The following NYAP2 variants were observed in gnomAD, a reference collection of about 807,000 sequenced individuals.
NYAP2 encodes neuronal tyrosine-phosphorylated phosphoinositide-3-kinase adapter 2.
In NYAP2, 23 loss-of-function variants were observed where a neutral mutation model predicts 50.4. That is an observed-to-expected ratio of 0.46 (90% CI 0.33 to 0.65). NYAP2 has a LOEUF of 0.65. Among genes scored for constraint, NYAP2 ranks in the 30% least tolerant of loss-of-function variants. The pLI, the probability that NYAP2 is intolerant of heterozygous loss-of-function variation, is 0.02. For missense variants in NYAP2, 885 were observed against 861.0 expected, an observed-to-expected ratio of 1.03 and a Z score of -0.35; for synonymous variants, 394 against 365.2, an observed-to-expected ratio of 1.08 and a Z score of -0.90.
At position 225,582,793 on chromosome 2, in the gene NYAP2, C is replaced by T; in HGVS notation, c.1376C>T (p.Ala459Val). Residue 459 changes from alanine to valine, a missense_variant, in exon 5 of 7, where the codon GCT becomes GTT. Physicochemically the swap from Ala to Val is moderately conservative, Grantham distance 64. Coordinates refer to ENST00000636099, the Ensembl canonical transcript of NYAP2. This position sits in a 1 kb window ranked among gnomAD's most constrained non-coding sequence, Gnocchi z 7.0. Reference sequence around the variant, plus strand: ...CTCAAAAGGCCTCCCCCTTACGACGCTGTGCATTCGGGCAGCCTCTCAAGG... The same window carrying T: ...CTCAAAAGGCCTCCCCCTTACGACGTTGTGCATTCGGGCAGCCTCTCAAGG... 6.2e-7 allele frequency: 1 copy of T among 1,613,980 alleles called. No homozygotes were observed. Among genetic ancestry groups the T allele is most frequent in the Non-Finnish European group, 8.5e-7 (1 of 1,179,898 alleles).
chr2:225,681,545 A>G, the NYAP2 span, among the ~76,000 whole-genome samples: 1 of 152,206 alleles, frequency 6.6e-6, no homozygotes, highest in African/African-American at 2.4e-5. Flanking sequence ...ATTCACTGGC[A>G]TTATCTCTTT....
At chr2:225,643,616 C>T (rs1693572474) in intron 6 of NYAP2, among the ~76,000 whole-genome samples, 2 of 150,070 alleles carry the variant, frequency 1.3e-5, no homozygotes, top group South Asian at 4.3e-4. Flanking sequence ...ACAACAGTCC[C>T]CAGAGTGTGA....
chr2:225,683,529 A>G, the NYAP2 span, among the ~76,000 whole-genome samples: 1 of 152,014 alleles, frequency 6.6e-6, no homozygotes, highest in African/African-American at 2.4e-5. Flanking sequence ...CTTAATGAGA[A>G]GTAAGTTAAC....
chr2:225,511,215 A>G (rs1690807372), intron 3 of NYAP2, among the ~76,000 whole-genome samples: 1 of 152,058 alleles, frequency 6.6e-6, no homozygotes, highest in South Asian at 2.1e-4. Flanking sequence ...ACCTTCCTAT[A>G]CCAAGACTGC....
the NYAP2 span, among the ~76,000 whole-genome samples, chr2:225,680,371 G>A: frequency 6.6e-6 from 1 of 151,676 alleles, no homozygotes; most frequent in Non-Finnish European, 1.5e-5. Flanking sequence ...ATAGAAAGGG[G>A]TTGCAATCTT....
At chr2:225,679,537 C>A in the NYAP2 span, among the ~76,000 whole-genome samples, 1 of 145,510 alleles carries the variant, frequency 6.9e-6, no homozygotes, top group African/African-American at 2.6e-5. Flanking sequence ...CTCTGTTTCC[C>A]AGGCTGCAGT....
At chr2:225,645,835 T>TC (rs927141793) in intron 6 of NYAP2, among the ~76,000 whole-genome samples, 1 of 152,182 alleles carries the variant, frequency 6.6e-6, no homozygotes, top group African/African-American at 2.4e-5. Flanking sequence ...GCCTCACCGT[T>TC]CAAGTCTCAA....
chr2:225,474,226 T>A (rs1001339928), intron 3 of NYAP2, among the ~76,000 whole-genome samples: 15 of 152,222 alleles, frequency 9.9e-5, no homozygotes, highest in Non-Finnish European at 1.9e-4. Context: ...TGTAGTATAG[T>A]TTGAAGTCAG....
At chr2:225,644,128 T>C (rs1693585244) in intron 6 of NYAP2, among the ~76,000 whole-genome samples, 1 of 151,856 alleles carries the variant, frequency 6.6e-6, no homozygotes, top group South Asian at 2.1e-4. Context: ...TTTTTAATGA[T>C]CGCCATTCTA....
chr2:225,684,871 A>G, the NYAP2 span, among the ~76,000 whole-genome samples: 1 of 152,150 alleles, frequency 6.6e-6, no homozygotes, highest in African/African-American at 2.4e-5. Flanking sequence ...CATTTTATAC[A>G]AAACACAACT....
chr2:225,698,724 T>A, the NYAP2 span: 1 of 151,948 alleles, frequency 6.6e-6, no homozygotes, highest in Non-Finnish European at 1.5e-5. Flanking sequence ...GGCACACTTA[T>A]TTATCCCGGA....
exon 4 of NYAP2, chr2:225,513,515 C>G: frequency 6.2e-7 from 1 of 1,613,830 alleles, no homozygotes; most frequent in Admixed American, 1.7e-5. Context: ...AGTCCCTGCA[C>G]TCGGTTGGGG....
At chr2:225,590,204 A>T (rs1306752499) in intron 5 of NYAP2, among the ~76,000 whole-genome samples, 1 of 152,154 alleles carries the variant, frequency 6.6e-6, no homozygotes, top group Non-Finnish European at 1.5e-5. Flanking sequence ...CGAGAGTCCC[A>T]CACAGTGACC....
chr2:225,665,807 TAAAAAA>T, the NYAP2 span, among the ~76,000 whole-genome samples: 656 of 20,964 alleles, frequency 0.031, 15 homozygotes, highest in African/African-American at 0.082. Context: ...AGCCTCCGTC[TAAAAAA>T]AAAAAAAAAA....
intron 4 of NYAP2, among the ~76,000 whole-genome samples, chr2:225,517,120 A>G (rs1446861228): frequency 1.3e-5 from 2 of 152,190 alleles, no homozygotes; most frequent in Non-Finnish European, 2.9e-5. Flanking sequence ...AAAAATTGTA[A>G]CTCTGTTACA....
upstream of NYAP2, among the ~76,000 whole-genome samples, chr2:225,397,979 A>G (rs1381951264): frequency 2.0e-5 from 3 of 152,012 alleles, no homozygotes; most frequent in Non-Finnish European, 4.4e-5. Flanking sequence ...CTAAAGTTGA[A>G]TATATGAAAC....
At chr2:225,400,098 C>A (rs1317557881) in exon 1 of NYAP2, 2 of 152,080 alleles carry the variant, frequency 1.3e-5, no homozygotes, top group Non-Finnish European at 2.9e-5. Flanking sequence ...AGAACGATGC[C>A]GCTTTCCGGT....
In NYAP2 at chr2:225,569,442, G is replaced by A. The variant is rs531863694; in HGVS notation, c.524-12499G>A. ...GATTGAGAGAAAGGAGGAGTGAGGG[G>A]GGGAGGTGAGAGAGACCTCGAGACT... On this transcript the variant is annotated intron_variant, in intron 4 of 6. Transcript: ENST00000636099. Among the ~76,000 whole-genome samples, 11 of 152,138 alleles carry A rather than the reference G, an allele frequency of 7.2e-5. No individual in the cohort carries two copies. In the East Asian group the frequency reaches 1.4e-3, roughly 19 times the overall value.
chr2:225,694,195 T>G, the NYAP2 span, among the ~76,000 whole-genome samples: 1 of 152,078 alleles, frequency 6.6e-6, no homozygotes, highest in Admixed American at 6.6e-5. Flanking sequence ...ATTAAATAAC[T>G]AAACTAGAAG....
Sources: allele counts gnomAD v4.1 joint callset (sites outside exome capture counted in the v4.1 genomes callset), GRCh38; gene constraint gnomAD v4.1.1; non-coding constraint Gnocchi (gnomAD v3.1); transcripts MANE v1.5; gene names NCBI Gene and HGNC (gene_info 2026-07-23, HGNC 2026-07-21).